MAMLD1: variants seen among roughly 807,000 people sequenced by gnomAD.
MAMLD1 encodes the protein mastermind-like domain-containing protein 1.
In MAMLD1, 14 loss-of-function variants were observed where a neutral mutation model predicts 45.0. The observed-to-expected ratio is 0.31, with a 90% CI of 0.21 to 0.49. The LOEUF (loss-of-function observed/expected upper bound fraction) is 0.49, where lower values mean the gene tolerates loss of function less well. MAMLD1 is among the 20% of genes least tolerant of loss of function. The pLI, the probability that MAMLD1 is intolerant of heterozygous loss-of-function variation, is 0.99. For synonymous variants in MAMLD1, 254 were observed against 247.8 expected, an observed-to-expected ratio of 1.02 and a Z score of -0.24; for missense variants, 543 against 603.6, an observed-to-expected ratio of 0.90 and a Z score of 1.05.
intron 1 of MAMLD1, among the ~76,000 whole-genome samples, chrX:150,406,905 G>A (rs1002770181): frequency 5.4e-5 from 6 of 111,406 alleles, no homozygotes; most frequent in Admixed American, 9.5e-5. Context: ...TCTCTCAGTG[G>A]GGAAAAATGG....
intron 3 of MAMLD1, among the ~76,000 whole-genome samples, chrX:150,468,341 AC>A (rs782322819): frequency 9.0e-6 from 1 of 111,665 alleles, no homozygotes; most frequent in African/African-American, 3.3e-5. Flanking sequence ...AGCTCATCAA[AC>A]CAGAAGAGCC....
At chrX:150,376,573 T>C (rs1557401466) in intron 1 of MAMLD1, among the ~76,000 whole-genome samples, 1 of 110,812 alleles carries the variant, frequency 9.0e-6, no homozygotes, top group Non-Finnish European at 1.9e-5. Context: ...CTCCAGGCCC[T>C]CAACTCCAAA....
At chrX:150,456,585 C>T (rs1432305017) in intron 2 of MAMLD1, among the ~76,000 whole-genome samples, 1 of 111,415 alleles carries the variant, frequency 9.0e-6, no homozygotes, top group Admixed American at 9.5e-5. Context: ...CATGATATAC[C>T]CCCCATACAG....
At chrX:150,413,953 GGA>G (rs1240523444) in intron 1 of MAMLD1, among the ~76,000 whole-genome samples, 6 of 96,803 alleles carry the variant, frequency 6.2e-5, no homozygotes, top group Middle Eastern at 5.8e-3. Context: ...GGGTGCTGAG[GGA>G]GAGAGAGAGA....
Position 150,512,055 on chromosome X carries a change from C to T in MAMLD1, c.*96C>T. 8.9e-7 allele frequency: 1 copy of T among 1,119,959 alleles called. No individual in the cohort carries two copies. Among genetic ancestry groups the T allele is most frequent in the Non-Finnish European group, 1.2e-6 (1 of 851,956 alleles). The allele number at this position is 1,119,959 out of a possible 1,213,427, so 92.3% of individuals were successfully genotyped here. A position where few individuals can be genotyped will look rare whatever the true frequency, so the allele number is the denominator to read the frequency against. On this transcript the variant is annotated 3_prime_UTR_variant, in exon 8 of 8. Coordinates refer to ENST00000370401, the MANE Select transcript of MAMLD1 (RefSeq NM_005491.5). ...TGTAGCCGGATCAAGGCAAGCCCCC[C>T]ATCTAGCAAGCACTTGATGCCACCC...
intron 5 of MAMLD1, among the ~76,000 whole-genome samples, chrX:150,502,762 C>T (rs782251221): frequency 4.2e-5 from 4 of 96,175 alleles, no homozygotes; most frequent in Non-Finnish European, 8.0e-5. Flanking sequence ...GATTCCTCAG[C>T]GTGTTCACAC....
In MAMLD1 at chrX:150,512,342, A is replaced by T; in HGVS notation, c.*383A>T. 1 of 1,133,312 alleles carries T rather than the reference A, an allele frequency of 8.8e-7. No individual in the cohort carries two copies. Among genetic ancestry groups the T allele is most frequent in the Non-Finnish European group, 1.2e-6 (1 of 859,102 alleles). The allele number at this position is 1,133,312 out of a possible 1,213,427, so 93.4% of individuals were successfully genotyped here. ...TGGGTTCTGTCCCAGCTCCCTGGGC[A>T]CCCAGTCCTTGAGTCCCCACCAGCT... On this transcript the variant is annotated 3_prime_UTR_variant, in exon 8 of 8. Transcript: ENST00000370401.
intron 6 of MAMLD1, chrX:150,504,593 T>C: frequency 1.9e-6 from 1 of 530,616 alleles, no homozygotes; most frequent in Non-Finnish European, 2.3e-6. Flanking sequence ...GAAACAGAAT[T>C]AGCAAAACGG....
At chrX:150,371,917 G>A (rs1309180284) in intron 1 of MAMLD1, among the ~76,000 whole-genome samples, 7 of 111,719 alleles carry the variant, frequency 6.3e-5, no homozygotes, top group African/African-American at 2.3e-4. Flanking sequence ...TTTTACAGAA[G>A]AGGAAACTGA....
At chrX:150,384,865 C>T (rs964516659) in intron 1 of MAMLD1, among the ~76,000 whole-genome samples, 10 of 111,193 alleles carry the variant, frequency 9.0e-5, no homozygotes, top group Non-Finnish European at 1.7e-4. Context: ...GTAATGATTA[C>T]CACAATCAAA....
chrX:150,439,732 C>T (rs782642935), intron 1 of MAMLD1, among the ~76,000 whole-genome samples: 3 of 111,402 alleles, frequency 2.7e-5, no homozygotes, highest in Non-Finnish European at 5.7e-5. Context: ...GTCAGGAGTT[C>T]CAGACCAACC....
At chrX:150,476,735 G>A (rs2036591768) in intron 5 of MAMLD1, among the ~76,000 whole-genome samples, 1 of 113,085 alleles carries the variant, frequency 8.8e-6, no homozygotes. Context: ...GTAGAGAAGG[G>A]GGAATCAAAC....
chrX:150,425,571 GCT>G (rs1221558949), intron 1 of MAMLD1, among the ~76,000 whole-genome samples: 2 of 111,961 alleles, frequency 1.8e-5, no homozygotes, highest in African/African-American at 6.5e-5. Flanking sequence ...AGTCATCCAG[GCT>G]CTAGGTTGGG....
rs1557406572 is a variant in MAMLD1 at position 150,471,490 on chromosome X, G to T, written c.1917G>T (p.Gln639His). Reference protein sequence around the residue: ...ASDSMPALPRQGCCHLFAWTS... With the variant: ...ASDSMPALPRHGCCHLFAWTS... The stretch of plus-strand genomic sequence containing the variant: ...ATTCCATGCCTGCTCTGCCCAGACA[G>T]GTAAGACAATCTCATATCTGGCTGT... Residue 639 changes from glutamine (Q) to histidine (H), a missense_variant and splice_region_variant, in exon 4 of 8, where the codon CAG becomes CAT. Transcript: ENST00000370401. 3 of 1,209,857 alleles carry T rather than the reference G, an allele frequency of 2.5e-6. No homozygotes were observed. The highest frequency in any genetic ancestry group is 3.4e-6 in the Non-Finnish European group (3 of 894,625).
At chrX:150,461,823 G>A (rs2036049127) in intron 2 of MAMLD1, among the ~76,000 whole-genome samples, 1 of 112,127 alleles carries the variant, frequency 8.9e-6, no homozygotes, top group African/African-American at 3.2e-5. Flanking sequence ...CCCAAAAAAG[G>A]GAAGCTTCCT....
intron 1 of MAMLD1, among the ~76,000 whole-genome samples, chrX:150,410,508 A>G (rs1438275046): frequency 2.7e-5 from 3 of 111,495 alleles, no homozygotes; most frequent in Non-Finnish European, 3.8e-5. Context: ...TTTCTGCACC[A>G]TGACAATGTT....
At chrX:150,374,924 C>T (rs190233814) in intron 1 of MAMLD1, among the ~76,000 whole-genome samples, 3 of 111,246 alleles carry the variant, frequency 2.7e-5, no homozygotes, top group African/African-American at 9.8e-5. Context: ...TAGCCAGACC[C>T]TCATGAAAAC....
At position 150,471,062 on chromosome X, in the gene MAMLD1, C is replaced by A. The variant is rs1557406472; in HGVS notation, c.1489C>A (p.Gln497Lys). ...TCTTCTAAGCCAGCAACAGCAGCAG[C>A]AGCAGCAGCAGCAGCAAGCAAATGT... The part of the protein sequence containing the change: ...SNLLSQQQQQ[Q>K]QQQQQANVIF... The change falls in exon 4 of 8, where the codon CAG (glutamine) becomes AAG (lysine). Residue 497 changes from glutamine to lysine, a missense_variant. By Grantham distance (53) the Gln-to-Lys change is moderately conservative. Coordinates refer to ENST00000370401, the MANE Select transcript of MAMLD1 (RefSeq NM_005491.5). 1.2e-5 allele frequency: 15 copies of A among 1,209,936 alleles called. No homozygotes were observed. The highest frequency in any genetic ancestry group is 1.7e-5 in the Non-Finnish European group (15 of 895,196).
chrX:150,486,363 T>C (rs1440192325), intron 5 of MAMLD1, among the ~76,000 whole-genome samples: 2 of 111,675 alleles, frequency 1.8e-5, no homozygotes, highest in Admixed American at 1.9e-4. Context: ...TCATGCTTTT[T>C]AGTCTGAATG....
Sources: gnomAD v4.1 joint callset for allele counts (sites outside exome capture counted in the v4.1 genomes callset) on GRCh38, gnomAD v4.1.1 for gene constraint, MANE v1.5 for transcripts, NCBI Gene and HGNC (gene_info 2026-07-23, HGNC 2026-07-21) for gene names.